The following HNRNPM variants were observed in gnomAD, a reference collection of about 807,000 sequenced individuals.
HNRNPM encodes the protein CEA receptor.
In HNRNPM, 11 loss-of-function variants were observed where a neutral mutation model predicts 73.1. That is an observed-to-expected ratio of 0.15 (90% CI 0.09 to 0.25). The LOEUF is 0.25. Among genes scored for constraint, HNRNPM ranks in the 10% least tolerant of loss-of-function variants. The pLI is 1.00. For missense variants in HNRNPM, 789 were observed against 1,067.9 expected (o/e 0.74, Z 3.64); for synonymous variants, 407 against 355.2 (o/e 1.15, Z -1.64).
Position 8,488,071 on chromosome 19 carries a change from GTCT to G in HNRNPM, c.2030-615_2030-613del, listed in dbSNP as rs377720899. The stretch of plus-strand genomic sequence containing the variant: ...TCTCGTGTGAGCCAATTACTGGCAA[GTCT>G]TCTTTCTGGTGAATTTCTGTGTAAG... On this transcript the variant is annotated intron_variant, in intron 15 of 15. Transcript: ENST00000325495. The G allele has an allele frequency of 4.4e-3, 669 of 152,366 alleles. 4 individuals are homozygous for G. Among genetic ancestry groups the G allele is most frequent in the African/African-American group, 0.016 (647 of 41,524 alleles). The allele number at this position is 152,366 out of a possible 1,614,324, so 9.4% of individuals were successfully genotyped here.
intron 6 of HNRNPM, among the ~76,000 whole-genome samples, chr19:8,465,974 A>G (rs982749976): frequency 4.6e-5 from 7 of 152,210 alleles, no homozygotes; most frequent in Non-Finnish European, 1.0e-4. Flanking sequence ...AAATGTTCAG[A>G]AAATGAGTAT....
At chr19:8,463,532 A>G (rs780458987) in intron 4 of HNRNPM, 28 bp downstream of exon 4, 2 of 1,613,638 alleles carry the variant, frequency 1.2e-6, no homozygotes, top group Non-Finnish European at 1.7e-6. Context: ...ACTTATTGGT[A>G]TTTGAGCCTT....
In HNRNPM at chr19:8,486,315, C is replaced by T. The variant is rs1332786757; in HGVS notation, c.1887C>T (p.Asn629=). The T allele has an allele frequency of 1.2e-6, 2 of 1,600,106 alleles. No homozygotes were observed. Among genetic ancestry groups the T allele is most frequent in the Admixed American group, 1.7e-5 (1 of 60,022 alleles). ...FDRAIEMERG[N]FGGSFAGSFG... Reference sequence around the variant, plus strand: ...GTGCCATCGAGATGGAGCGTGGCAACTTCGGAGGAAGCTTCGCAGGTTCCT... The same window carrying T: ...GTGCCATCGAGATGGAGCGTGGCAATTTCGGAGGAAGCTTCGCAGGTTCCT... Residue 629 remains asparagine (N), a synonymous_variant, in exon 14 of 16, where the codon AAC becomes AAT. Coordinates refer to ENST00000325495, the MANE Select transcript of HNRNPM (RefSeq NM_005968.5).
At position 8,485,619 on chromosome 19, in the gene HNRNPM, C is replaced by T. The variant is rs371015571; in HGVS notation, c.1191C>T (p.Ser397=). The T allele has an allele frequency of 2.7e-5, 44 of 1,600,308 alleles. No individual in the cohort carries two copies. Among genetic ancestry groups the T allele is most frequent in the African/African-American group, 9.4e-5 (7 of 74,800 alleles). ...CTGTTTCAGGTGGAGGTGGAGGAAGCGTCCCTGGGATCGAGAGGATGGGTC... is the reference window on the plus strand; with the variant it reads ...CTGTTTCAGGTGGAGGTGGAGGAAGTGTCCCTGGGATCGAGAGGATGGGTC... ...AKQGGGGGGG[S]VPGIERMGPG... The change falls in exon 14 of 16, where the codon AGC becomes AGT. Residue 397 remains serine, a synonymous_variant. Coordinates refer to ENST00000325495, the MANE Select transcript of HNRNPM (RefSeq NM_005968.5).
In HNRNPM at chr19:8,466,828, CAAAAAAAAAA is replaced by C. The variant is rs61362863; in HGVS notation, c.784+455_784+464del. ...TGGGTGATAGAGTGAGACTCAGTCT[CAAAAAAAAAA>C]AAAAAAAAAAAAAAGGTTCTCTGGG... On this transcript the variant is annotated intron_variant, in intron 7 of 15. Transcript: ENST00000325495. 1.1e-4 allele frequency among the ~76,000 whole-genome samples: 6 copies of C among 56,492 alleles called. No individual in the cohort carries two copies. The South Asian group carries it at 3.2e-3, about 30-fold the overall frequency. The allele number at this position is 56,492 out of a possible 152,430, so 37.1% of individuals were successfully genotyped here.
chr19:8,468,010 G>A (rs1015487598), intron 8 of HNRNPM, among the ~76,000 whole-genome samples: 10 of 151,992 alleles, frequency 6.6e-5, no homozygotes, highest in Non-Finnish European at 1.3e-4. Flanking sequence ...CTGGGCAACA[G>A]AGTGAGACTC....
At chr19:8,448,622 C>T (rs8113037) in intron 1 of HNRNPM, among the ~76,000 whole-genome samples, 3,571 of 151,854 alleles carry the variant, frequency 0.024, 144 homozygotes, top group African/African-American at 0.081. Flanking sequence ...GGACTACAGG[C>T]GCCCGCCACC....
rs117401312 is a variant in HNRNPM, at chr19:8,464,090, C to G, written c.438+404C>G. 5.4e-3 allele frequency among the ~76,000 whole-genome samples: 820 copies of G among 151,998 alleles called. 4 individuals carry two copies. The highest frequency in any genetic ancestry group is 9.6e-3 in the Non-Finnish European group (650 of 67,956). The stretch of plus-strand genomic sequence containing the variant: ...TGAAACCCCCTCTCTACAAAAGGTA[C>G]AAAAATTAGCCAGGCATGGTGGCGC... On this transcript the variant is annotated intron_variant, in intron 5 of 15. Coordinates refer to ENST00000325495, the MANE Select transcript of HNRNPM (RefSeq NM_005968.5).
Position 8,486,070 on chromosome 19 carries a change from A to T in HNRNPM, c.1642A>T (p.Met548Leu). ...TGGCCTGGAGCGCATGGGCCCCGTG[A>T]TGGATCGCATGGCCACCGGCCTGGA... is the stretch of plus-strand genomic sequence containing the variant. The part of the protein sequence containing the change: ...GAGLERMGPV[M>L]DRMATGLERM... The change falls in exon 14 of 16, where the codon ATG (methionine) becomes TTG (leucine). Residue 548 changes from methionine to leucine, a missense_variant. This residue lies in a region of HNRNPM where 604 missense variants were observed against 744.0 expected (regional missense o/e 0.81). Transcript: ENST00000325495. The T allele has an allele frequency of 3.1e-6, 5 of 1,605,010 alleles. No individual in the cohort carries two copies. Among genetic ancestry groups the T allele is most frequent in the Non-Finnish European group, 4.2e-6 (5 of 1,179,370 alleles).
At chr19:8,463,759 C>T (rs1319487877) in intron 5 of HNRNPM, 73 bp downstream of exon 5, 11 of 1,022,430 alleles carry the variant, frequency 1.1e-5, no homozygotes, top group African/African-American at 9.7e-5. Flanking sequence ...TAGGGAAAGA[C>T]GGTCATGGTC....
At chr19:8,475,384 A>T (rs1021155385) in intron 12 of HNRNPM, among the ~76,000 whole-genome samples, 3 of 152,250 alleles carry the variant, frequency 2.0e-5, no homozygotes, top group Non-Finnish European at 4.4e-5. Flanking sequence ...ACTGCAGGAA[A>T]GCTGCTGCTT....
At chr19:8,475,822 C>G (rs979501939) in intron 12 of HNRNPM, among the ~76,000 whole-genome samples, 1 of 151,720 alleles carries the variant, frequency 6.6e-6, no homozygotes, top group African/African-American at 2.4e-5. Flanking sequence ...AATCCCAACA[C>G]TTTGGGAGGC....
Position 8,462,170 on chromosome 19 carries a change from C to G in HNRNPM, c.284-359C>G. 2.2e-5 allele frequency: 5 copies of G among 230,480 alleles called. No homozygotes were observed. In the South Asian group the frequency reaches 3.0e-4, roughly 14 times the overall value. 14.3% of individuals were successfully genotyped at this position (230,480 alleles called of 1,614,324 possible). A position where few individuals can be genotyped will look rare whatever the true frequency, so the allele number is the denominator to read the frequency against. The stretch of plus-strand genomic sequence containing the variant: ...TTCACCTGCTTGCCACCAATGAGAG[C>G]GTATGTGTAAAACCTCCTCCCTTCC... On this transcript the variant is annotated intron_variant, in intron 2 of 15. Coordinates refer to ENST00000325495, the MANE Select transcript of HNRNPM (RefSeq NM_005968.5). This position sits in a 1 kb window ranked among gnomAD's most constrained non-coding sequence, Gnocchi z 4.5.
At chr19:8,483,355 GT>G (rs1971054298) in intron 13 of HNRNPM, 144 bp downstream of exon 13, 1 of 683,310 alleles carries the variant, frequency 1.5e-6, no homozygotes, top group African/African-American at 1.8e-5. Context: ...GCTGTGTGAC[GT>G]TTGGCAAGTC....
intron 12 of HNRNPM, chr19:8,482,685 T>A: frequency 6.9e-6 from 1 of 144,680 alleles, no homozygotes; most frequent in Non-Finnish European, 1.4e-5. Context: ...TCTGGGTGGA[T>A]AAATGTGGGC....
At chr19:8,448,019 CCTT>C (rs1341542296) in intron 1 of HNRNPM, among the ~76,000 whole-genome samples, 18 of 152,300 alleles carry the variant, frequency 1.2e-4, no homozygotes, top group Admixed American at 9.8e-4. Flanking sequence ...GAGCGATACT[CCTT>C]CTTCAAACAA....
chr19:8,445,245 C>G (rs1280054980), intron 1 of HNRNPM, 134 bp downstream of exon 1: 2 of 804,052 alleles, frequency 2.5e-6, no homozygotes, highest in African/African-American at 1.8e-5. Flanking sequence ...ACCGCCTGCT[C>G]AGGGTAGCGG....
At chr19:8,486,862 C>T (rs1410707126) in intron 14 of HNRNPM, among the ~76,000 whole-genome samples, 162 bp from the exon 15 acceptor site, 1 of 152,194 alleles carries the variant, frequency 6.6e-6, no homozygotes, top group African/African-American at 2.4e-5. Flanking sequence ...ACAGCCTTGT[C>T]CCACATGTAT....
intron 1 of HNRNPM, among the ~76,000 whole-genome samples, chr19:8,448,361 A>G (rs576301218): frequency 1.3e-5 from 2 of 152,266 alleles, no homozygotes; most frequent in African/African-American, 2.4e-5. Context: ...GAGTTAGGGT[A>G]TAGTCAGGGA....
Sources: allele counts gnomAD v4.1 joint callset (sites outside exome capture counted in the v4.1 genomes callset), GRCh38; gene constraint gnomAD v4.1.1; regional missense constraint gnomAD v4.1.1; non-coding constraint Gnocchi (gnomAD v3.1); transcripts MANE v1.5; gene names NCBI Gene and HGNC (gene_info 2026-07-23, HGNC 2026-07-21).